Variants in GXYLT1 observed in about 807,000 individuals in gnomAD.
GXYLT1 encodes the protein glycosyltransferase 8 domain containing 3.
Under a neutral mutation model 54.0 loss-of-function variants are expected in GXYLT1, and 29 were observed. That is an observed-to-expected ratio of 0.54 (90% confidence interval 0.40 to 0.73). The LOEUF (loss-of-function observed/expected upper bound fraction) is 0.73. GXYLT1 is among the 30% of genes least tolerant of loss of function. The pLI is 0.00. For synonymous variants in GXYLT1, 176 were observed against 204.1 expected (o/e 0.86, Z 1.17); for missense variants, 490 against 553.4 (o/e 0.89, Z 1.15).
intron 1 of GXYLT1, among the ~76,000 whole-genome samples, chr12:42,130,993 A>C (rs886164345): frequency 2.0e-5 from 3 of 152,088 alleles, no homozygotes; most frequent in Non-Finnish European, 2.9e-5. Context: ...TCCCTGCCCC[A>C]AAAAAACCCG....
chr12:42,122,681 C>A (rs1468719633), intron 2 of GXYLT1, among the ~76,000 whole-genome samples: 1 of 151,854 alleles, frequency 6.6e-6, no homozygotes, highest in African/African-American at 2.4e-5. Context: ...AGATGAATAC[C>A]AACCAATAAA....
At chr12:42,112,802 T>C (rs1032847604) in intron 3 of GXYLT1, among the ~76,000 whole-genome samples, 1 of 150,916 alleles carries the variant, frequency 6.6e-6, no homozygotes, top group Non-Finnish European at 1.5e-5. Flanking sequence ...GCCACAAAGA[T>C]ACTCCTCAAG....
chr12:42,130,187 G>T (rs967845898), intron 1 of GXYLT1, among the ~76,000 whole-genome samples: 1 of 152,036 alleles, frequency 6.6e-6, no homozygotes, highest in African/African-American at 2.4e-5. Flanking sequence ...TATACCCCTA[G>T]AACAAAATCC....
rs187878870 is a variant in GXYLT1, at chr12:42,082,333, G to A, written c.*5453C>T. 5.9e-5 allele frequency: 9 copies of A among 152,246 alleles called. No homozygotes were observed. The highest frequency in any genetic ancestry group is 8.8e-5 in the Non-Finnish European group (6 of 68,028). The allele number at this position is 152,246 out of a possible 1,614,324, so 9.4% of individuals were successfully genotyped here. On this transcript the variant is annotated 3_prime_UTR_variant, in exon 8 of 8. Coordinates refer to ENST00000398675, the MANE Select transcript of GXYLT1 (RefSeq NM_173601.2). ...TGATGACAATGCATGTGATGCATGC[G>A]TGCTCTGCTAAGTTTTGAACAGATA...
intron 1 of GXYLT1, among the ~76,000 whole-genome samples, chr12:42,135,785 C>A (rs1013542150): frequency 3.3e-5 from 5 of 152,162 alleles, no homozygotes; most frequent in Admixed American, 3.3e-4. Context: ...TTGCTCATGA[C>A]TGGGGGACTG....
In GXYLT1 at chr12:42,109,643, T is replaced by C; in HGVS notation, c.535A>G (p.Ile179Val). 1 of 1,585,796 alleles carries C rather than the reference T, an allele frequency of 6.3e-7. No homozygotes were observed. The highest frequency in any genetic ancestry group is 8.6e-7 in the Non-Finnish European group (1 of 1,161,030). ...LQTFNYTLYP[I>V]TFPSENAAEW... ...GCTGCATTCTCACTTGGAAAGGTTA[T>C]GGGGTATAACGTATAATTAAATGTT... The change falls in exon 4 of 8, where the codon ATA (isoleucine) becomes GTA (valine). Residue 179 changes from isoleucine (I) to valine (V), a missense_variant. By Grantham distance (29) the Ile-to-Val change is conservative. Coordinates refer to ENST00000398675, the MANE Select transcript of GXYLT1 (RefSeq NM_173601.2).
chr12:42,098,321 C>T (rs1316569198), intron 5 of GXYLT1, among the ~76,000 whole-genome samples: 2 of 152,096 alleles, frequency 1.3e-5, no homozygotes, highest in Non-Finnish European at 2.9e-5. Flanking sequence ...TTGGTACCTA[C>T]GTCTGGGCCT....
rs2065286183 is a variant in GXYLT1 at position 42,085,563 on chromosome 12, T to C, written c.*2223A>G. 1 of 152,282 alleles carries C rather than the reference T, an allele frequency of 6.6e-6. No individual in the cohort carries two copies. The highest frequency in any genetic ancestry group is 1.5e-5 in the Non-Finnish European group (1 of 68,042). The allele number at this position is 152,282 out of a possible 1,614,324, so 9.4% of individuals were successfully genotyped here. The stretch of plus-strand genomic sequence containing the variant: ...GTGCCAAGAATTGTGGTATCCTAAC[T>C]TGAACTTTCAAGTTGGCAAAATAAT... On this transcript the variant is annotated 3_prime_UTR_variant, in exon 8 of 8. Coordinates refer to ENST00000398675, the MANE Select transcript of GXYLT1 (RefSeq NM_173601.2).
At position 42,118,929 on chromosome 12, in the gene GXYLT1, C is replaced by G. The variant is rs1010161019; in HGVS notation, c.486+71G>C. 1.0e-5 allele frequency: 12 copies of G among 1,155,978 alleles called. No homozygotes were observed. The African/African-American group carries it at 1.3e-4, about 12-fold the overall frequency. The allele number at this position is 1,155,978 out of a possible 1,614,324, so 71.6% of individuals were successfully genotyped here. On this transcript the variant is annotated intron_variant, in intron 3 of 7. Coordinates refer to ENST00000398675, the MANE Select transcript of GXYLT1 (RefSeq NM_173601.2). ...TTCTAGCAATGTGAACAGACTATTA[C>G]AACAACATTCTATTATAGTATATTA...
chr12:42,098,541 CTTAAG>C (rs976089598), intron 5 of GXYLT1, among the ~76,000 whole-genome samples: 9 of 151,500 alleles, frequency 5.9e-5, no homozygotes, highest in Non-Finnish European at 8.8e-5. Context: ...GCATACACAA[CTTAAG>C]TTAAACACTA....
Position 42,097,961 on chromosome 12 carries a change from T to A in GXYLT1, c.937A>T (p.Ile313Phe). The A allele has an allele frequency of 6.2e-7, 1 of 1,602,330 alleles. No individual in the cohort carries two copies. Among genetic ancestry groups the A allele is most frequent in the Non-Finnish European group, 8.5e-7 (1 of 1,169,810 alleles). ...MPLLKKYKLNITWGDQDLLNI... is the reference protein window; with the variant it reads ...MPLLKKYKLNFTWGDQDLLNI... Reference sequence around the variant, plus strand: ...AATAGATCTTGATCACCCCATGTGATGTTTAGTTTGTATTTTTTAAGCAAT... The same window carrying A: ...AATAGATCTTGATCACCCCATGTGAAGTTTAGTTTGTATTTTTTAAGCAAT... Residue 313 changes from isoleucine (I) to phenylalanine (F), a missense_variant, in exon 6 of 8, where the codon ATC becomes TTC. Physicochemically the swap from Ile to Phe is conservative, Grantham distance 21. Coordinates refer to ENST00000398675, the MANE Select transcript of GXYLT1 (RefSeq NM_173601.2).
intron 3 of GXYLT1, among the ~76,000 whole-genome samples, chr12:42,118,103 A>C (rs1407729208): frequency 2.0e-5 from 3 of 152,184 alleles, no homozygotes; most frequent in African/African-American, 2.4e-5. Context: ...ACCTACTTTT[A>C]TGGGAGAGAG....
chr12:42,118,595 T>C (rs2065510933), intron 3 of GXYLT1, among the ~76,000 whole-genome samples: 1 of 152,236 alleles, frequency 6.6e-6, no homozygotes, highest in Admixed American at 6.5e-5. Flanking sequence ...GGCTCTGTGT[T>C]GCCACTCAAA....
At position 42,125,122 on chromosome 12, in the gene GXYLT1, A is replaced by G. The variant is rs551081724; in HGVS notation, c.314+4637T>C. 4.6e-5 allele frequency among the ~76,000 whole-genome samples: 7 copies of G among 152,316 alleles called. No individual in the cohort carries two copies. In the South Asian group the frequency reaches 1.0e-3, roughly 23 times the overall value. On this transcript the variant is annotated intron_variant, in intron 2 of 7. Transcript: ENST00000398675. ...ATGAAGTGAGCAGTGAGAGGAGACT[A>G]TAATTGTTTGGGAAATGATGAGTAC...
At chr12:42,138,849 A>G (rs1254837508) in intron 1 of GXYLT1, among the ~76,000 whole-genome samples, 1 of 151,850 alleles carries the variant, frequency 6.6e-6, no homozygotes, top group Admixed American at 6.6e-5. Flanking sequence ...ACACGGTGAA[A>G]CCCCGTCTCT....
At position 42,097,608 on chromosome 12, in the gene GXYLT1, A is replaced by C. The variant is rs1353668136; in HGVS notation, c.995T>G (p.Leu332Arg). The C allele has an allele frequency of 6.2e-7, 1 of 1,606,710 alleles. No individual in the cohort carries two copies. Among genetic ancestry groups the C allele is most frequent in the African/African-American group, 1.3e-5 (1 of 74,432 alleles). Residue 332 changes from leucine (L) to arginine (R), a missense_variant, in exon 7 of 8, where the codon CTT (leucine) becomes CGT (arginine). Coordinates refer to ENST00000398675, the MANE Select transcript of GXYLT1 (RefSeq NM_173601.2). ...NIVFFHNPES[L>R]FVFPCQWNYR... ...ATTCCATTGACACGGAAAAACAAAA[A>C]GGCTTTCTACATAAAGAAAAGACCA...
chr12:42,100,952 A>C (rs1339521757), intron 5 of GXYLT1, among the ~76,000 whole-genome samples: 1 of 151,872 alleles, frequency 6.6e-6, no homozygotes, highest in African/African-American at 2.4e-5. Flanking sequence ...TATATATTTG[A>C]ATATATATCT....
chr12:42,126,431 C>A, intron 2 of GXYLT1, among the ~76,000 whole-genome samples: 1 of 152,104 alleles, frequency 6.6e-6, no homozygotes, highest in East Asian at 1.9e-4. Flanking sequence ...GGATTGAAAA[C>A]AAACTGTTGC....
At chr12:42,095,159 C>T (rs974617933) in intron 7 of GXYLT1, among the ~76,000 whole-genome samples, 5 of 152,150 alleles carry the variant, frequency 3.3e-5, no homozygotes, top group Non-Finnish European at 5.9e-5. Flanking sequence ...ACTCTGTTGA[C>T]GAGGATGTGG....
Sources: gnomAD v4.1 joint callset for allele counts (sites outside exome capture counted in the v4.1 genomes callset) on GRCh38, gnomAD v4.1.1 for gene constraint, MANE v1.5 for transcripts, NCBI Gene and HGNC (gene_info 2026-07-23, HGNC 2026-07-21) for gene names.